The following NTM variants were observed in gnomAD, a reference collection of about 807,000 sequenced individuals.
NTM encodes IgLON family member 2.
NTM carries 13 observed loss-of-function variants against 42.1 expected under a neutral mutation model. The ratio of observed to expected loss-of-function variants is 0.31; its 90% CI spans 0.20 to 0.49. NTM has a LOEUF of 0.49. NTM is among the 20% of genes least tolerant of loss of function. NTM has a pLI of 0.99. For missense variants in NTM, 373 were observed against 452.8 expected, an observed-to-expected ratio of 0.82 and a Z score of 1.60; for synonymous variants, 187 against 179.2, an observed-to-expected ratio of 1.04 and a Z score of -0.35.
intron 4 of NTM, among the ~76,000 whole-genome samples, chr11:132,246,100 C>T (rs1051906856): frequency 2.6e-5 from 4 of 152,154 alleles, no homozygotes; most frequent in Non-Finnish European, 4.4e-5. Context: ...CCCACAGCCT[C>T]CTTAGCAGCA....
chr11:132,275,489 CTTTTTTTTCATTTTTTGAAATGAA>C (rs1446590894), intron 4 of NTM, among the ~76,000 whole-genome samples: 1 of 151,014 alleles, frequency 6.6e-6, no homozygotes, highest in African/African-American at 2.4e-5. Context: ...TTTGATTTCT[CTTTTTTTTCATTTTTTGAAATGAA>C]TTTTTTTTCA....
At chr11:131,911,095 T>TACCAAAGTGCTTACTCCTC in intron 1 of NTM, 2 of 1,150,334 alleles carry the variant, frequency 1.7e-6, no homozygotes, top group South Asian at 2.4e-5. Context: ...CCCCTTCTGG[T>TACCAAAGTGCTTACTCCTC]ACCAAAGTGC....
chr11:131,477,964 A>G (rs974584454), intron 1 of NTM, among the ~76,000 whole-genome samples: 1 of 151,928 alleles, frequency 6.6e-6, no homozygotes, highest in African/African-American at 2.4e-5. Flanking sequence ...CCCTTGGGTT[A>G]CACACAGTGA....
At chr11:131,807,097 C>T (rs1181058982) in intron 1 of NTM, among the ~76,000 whole-genome samples, 1 of 152,104 alleles carries the variant, frequency 6.6e-6, no homozygotes, top group African/African-American at 2.4e-5. Flanking sequence ...AGGAACATTC[C>T]AGTCCAAGGA....
At chr11:132,068,579 C>T (rs2056873320) in intron 2 of NTM, among the ~76,000 whole-genome samples, 1 of 152,188 alleles carries the variant, frequency 6.6e-6, no homozygotes, top group African/African-American at 2.4e-5. Context: ...TACTCATTGT[C>T]CAATTCCAAA....
chr11:132,161,308 CTCT>C (rs915260283), intron 3 of NTM, among the ~76,000 whole-genome samples: 5 of 148,054 alleles, frequency 3.4e-5, no homozygotes, highest in African/African-American at 1.2e-4. Flanking sequence ...ATAGACAGTT[CTCT>C]TCTTTGCTAT....
At chr11:131,794,581 G>A (rs924189444) in intron 1 of NTM, 37 of 985,034 alleles carry the variant, frequency 3.8e-5, no homozygotes, top group African/African-American at 5.2e-5. Context: ...GCTTGAATAA[G>A]AAATGGCAAT....
chr11:131,372,351 G>A (rs1183104999), intron 1 of NTM, among the ~76,000 whole-genome samples: 2 of 152,170 alleles, frequency 1.3e-5, no homozygotes, highest in African/African-American at 2.4e-5. Context: ...ATTCCCTGCT[G>A]TCCCCTAGGG....
intron 1 of NTM, among the ~76,000 whole-genome samples, chr11:131,763,709 C>CTTTTTTTTTTTGTT (rs2084623320): frequency 1.4e-5 from 1 of 71,362 alleles, no homozygotes; most frequent in Non-Finnish European, 2.6e-5. Context: ...ATCTCTCTCT[C>CTTTTTTTTTTTGTT]TTTTTTTTTT....
chr11:132,299,057 A>C (rs897127884), intron 4 of NTM, among the ~76,000 whole-genome samples: 1 of 152,204 alleles, frequency 6.6e-6, no homozygotes, highest in Non-Finnish European at 1.5e-5. Context: ...GAACTTTGGG[A>C]GGCCAAGAAG....
At chr11:132,025,104 GGA>G (rs976537027) in intron 2 of NTM, among the ~76,000 whole-genome samples, 2 of 152,096 alleles carry the variant, frequency 1.3e-5, no homozygotes, top group Non-Finnish European at 2.9e-5. Context: ...GCTACAGAGG[GGA>G]GAGAGAGAGG....
chr11:132,320,716 G>A (rs1239049348), intron 7 of NTM, among the ~76,000 whole-genome samples: 1 of 152,002 alleles, frequency 6.6e-6, no homozygotes, highest in Non-Finnish European at 1.5e-5. Flanking sequence ...CTCCACCTCT[G>A]GGGGCAGGGC....
chr11:131,795,001 A>T (rs1316650503), intron 1 of NTM: 2 of 985,382 alleles, frequency 2.0e-6, no homozygotes, highest in Non-Finnish European at 2.4e-6. Context: ...AGGCTACAGA[A>T]GTACTCAGCC....
At chr11:131,372,990 G>A (rs994668439) in intron 1 of NTM, among the ~76,000 whole-genome samples, 7 of 152,056 alleles carry the variant, frequency 4.6e-5, no homozygotes, top group East Asian at 1.9e-4. Context: ...TACCGAATCC[G>A]GAATTTCTCA....
intron 1 of NTM, among the ~76,000 whole-genome samples, chr11:131,543,525 A>C (rs103610): frequency 0.64 from 96,730 of 152,118 alleles, 35,291 homozygotes; most frequent in Non-Finnish European, 0.81. Context: ...TTAGGGAGAA[A>C]GTTGCTACAA....
intron 1 of NTM, among the ~76,000 whole-genome samples, chr11:131,725,477 A>G (rs964404765): frequency 6.6e-6 from 1 of 152,148 alleles, no homozygotes; most frequent in Non-Finnish European, 1.5e-5. Context: ...CAGAGAAGAA[A>G]TGACTTGAAG....
chr11:131,895,067 A>G (rs554893849), intron 1 of NTM, among the ~76,000 whole-genome samples: 1 of 152,278 alleles, frequency 6.6e-6, no homozygotes, highest in East Asian at 1.9e-4. Context: ...TTCTGGAGGG[A>G]TTCTGCTGAG....
At chr11:131,776,282 A>C (rs2086957553) in intron 1 of NTM, among the ~76,000 whole-genome samples, 1 of 152,168 alleles carries the variant, frequency 6.6e-6, no homozygotes, top group South Asian at 2.1e-4. Flanking sequence ...CAAATTTCTG[A>C]TACTTTAATT....
intron 1 of NTM, among the ~76,000 whole-genome samples, chr11:131,735,730 T>C (rs552867043): frequency 3.9e-5 from 6 of 152,270 alleles, no homozygotes; most frequent in Non-Finnish European, 7.4e-5. Flanking sequence ...GCTCTTTCCA[T>C]GGTTCCTTCA....
Sources: gnomAD v4.1 joint callset for allele counts (sites outside exome capture counted in the v4.1 genomes callset) on GRCh38, gnomAD v4.1.1 for gene constraint, MANE v1.5 for transcripts, NCBI Gene and HGNC (gene_info 2026-07-23, HGNC 2026-07-21) for gene names.